PTPRD: variants seen among roughly 807,000 people sequenced by gnomAD.
PTPRD encodes protein tyrosine phosphatase receptor type D, also known as receptor-type tyrosine-protein phosphatase delta.
In PTPRD, 34 loss-of-function variants were observed where a neutral mutation model predicts 214.5. That is an observed-to-expected ratio of 0.16 (90% CI 0.12 to 0.21). The LOEUF (loss-of-function observed/expected upper bound fraction) is 0.21. Ranked by LOEUF, PTPRD falls within the 10% of genes least tolerant of loss-of-function variation. The probability of loss-of-function intolerance (pLI) is 1.00; values close to 1 mark genes in which losing one functional copy is unlikely to be tolerated. For synonymous variants in PTPRD, 1,128 were observed against 845.7 expected, an observed-to-expected ratio of 1.33 and a Z score of -5.79; for missense variants, 2,545 against 2,398.7, an observed-to-expected ratio of 1.06 and a Z score of -1.27.
At chr9:10,447,063 G>C (rs897607347) in intron 2 of PTPRD, among the ~76,000 whole-genome samples, 15 of 152,088 alleles carry the variant, frequency 9.9e-5, no homozygotes, top group Non-Finnish European at 2.1e-4. Context: ...GAGATTTAGT[G>C]GTTCAGAGAG....
At chr9:9,381,029 A>G (rs1270981929) in intron 9 of PTPRD, among the ~76,000 whole-genome samples, 2 of 152,100 alleles carry the variant, frequency 1.3e-5, no homozygotes, top group Non-Finnish European at 2.9e-5. Flanking sequence ...TAGTGTTAGT[A>G]TGGCATATTT....
chr9:9,139,924 T>A (rs1242050769), intron 10 of PTPRD, among the ~76,000 whole-genome samples: 1 of 151,880 alleles, frequency 6.6e-6, no homozygotes, highest in African/African-American at 2.4e-5. Flanking sequence ...ATTTGAAGAG[T>A]CCTAGTACCC....
At chr9:8,379,233 C>T (rs372977619) in intron 37 of PTPRD, among the ~76,000 whole-genome samples, 115 of 152,182 alleles carry the variant, frequency 7.6e-4, no homozygotes, top group African/African-American at 2.5e-3. Context: ...AATATCCTAA[C>T]GTATGTGGAA....
rs562505284 is a variant in PTPRD at position 8,643,551 on chromosome 9, C to T, written c.65-6707G>A. Among the ~76,000 whole-genome samples, 23 of 152,258 alleles carry T rather than the reference C, an allele frequency of 1.5e-4. 1 individual carries two copies. Among genetic ancestry groups the T allele is most frequent in the Non-Finnish European group, 2.5e-4 (17 of 68,004 alleles). On this transcript the variant is annotated intron_variant, in intron 12 of 45. Coordinates refer to ENST00000381196, the MANE Select transcript of PTPRD (RefSeq NM_002839.4). ...GGCTGCAGATGGGCTGCCTCAGGGA[C>T]GCAGGGCATAGGGGAAGCGGGGAAT...
At chr9:10,501,595 C>A (rs984662738) in intron 2 of PTPRD, among the ~76,000 whole-genome samples, 1 of 151,866 alleles carries the variant, frequency 6.6e-6, no homozygotes, top group Non-Finnish European at 1.5e-5. Flanking sequence ...ATTAACAGTA[C>A]TAAAAGTTAC....
In PTPRD at chr9:9,128,378, A is replaced by G. The variant is rs113567806; in HGVS notation, c.-143+54926T>C. ...ATATACATGCACATACTGTCCAAGT[A>G]TTAGTAAACAGATGACTGATGATAA... On this transcript the variant is annotated intron_variant, in intron 10 of 45. Transcript: ENST00000381196. 1.2e-3 allele frequency among the ~76,000 whole-genome samples: 189 copies of G among 152,322 alleles called. 2 individuals are homozygous for G. Among genetic ancestry groups the G allele is most frequent in the African/African-American group, 3.8e-3 (156 of 41,580 alleles).
chr9:9,857,415 A>G (rs2061757911), intron 5 of PTPRD, among the ~76,000 whole-genome samples: 1 of 152,096 alleles, frequency 6.6e-6, no homozygotes, highest in African/African-American at 2.4e-5. Flanking sequence ...TTCCTGAATA[A>G]ATGTGCAGTA....
chr9:9,720,943 T>C (rs935285656), intron 7 of PTPRD, among the ~76,000 whole-genome samples: 1 of 151,918 alleles, frequency 6.6e-6, no homozygotes, highest in African/African-American at 2.4e-5. Context: ...TAAGAACTCA[T>C]GGAAGCAAAG....
At chr9:10,006,612 C>A (rs1336806456) in intron 4 of PTPRD, among the ~76,000 whole-genome samples, 1 of 151,908 alleles carries the variant, frequency 6.6e-6, no homozygotes, top group African/African-American at 2.4e-5. Flanking sequence ...CTTCAAATAA[C>A]TGAGCAGGGT....
intron 12 of PTPRD, among the ~76,000 whole-genome samples, chr9:8,647,711 T>C (rs1329100510): frequency 6.6e-6 from 1 of 152,230 alleles, no homozygotes; most frequent in East Asian, 1.9e-4. Flanking sequence ...CAAATTATAC[T>C]TTTAAAATAA....
intron 12 of PTPRD, among the ~76,000 whole-genome samples, chr9:8,652,836 A>C (rs1253917439): frequency 6.6e-6 from 1 of 152,198 alleles, no homozygotes; most frequent in Non-Finnish European, 1.5e-5. Flanking sequence ...CAGGTCACAC[A>C]CATGAGATTC....
chr9:10,551,214 T>C (rs536850665), intron 2 of PTPRD, among the ~76,000 whole-genome samples: 108 of 152,146 alleles, frequency 7.1e-4, no homozygotes, highest in African/African-American at 2.6e-3. Context: ...TGTCACACAC[T>C]TGTAGTCCCA....
intron 12 of PTPRD, among the ~76,000 whole-genome samples, chr9:8,731,716 C>A (rs554463269): frequency 6.6e-6 from 1 of 152,146 alleles, no homozygotes; most frequent in African/African-American, 2.4e-5. Context: ...AAATGGATGT[C>A]CCTTCTTCTT....
chr9:9,088,458 T>A (rs1185004445), intron 10 of PTPRD, among the ~76,000 whole-genome samples: 1 of 151,264 alleles, frequency 6.6e-6, no homozygotes, highest in African/African-American at 2.4e-5. Context: ...CAGGCACCTA[T>A]AATCCCAGCT....
intron 3 of PTPRD, among the ~76,000 whole-genome samples, chr9:10,177,111 G>A (rs1472551989): frequency 6.6e-6 from 1 of 151,890 alleles, no homozygotes; most frequent in African/African-American, 2.4e-5. Context: ...AAAATAAATG[G>A]AAATGAAAGT....
At chr9:9,314,027 C>T (rs1028045093) in intron 9 of PTPRD, among the ~76,000 whole-genome samples, 2 of 152,076 alleles carry the variant, frequency 1.3e-5, no homozygotes, top group East Asian at 3.9e-4. Context: ...CTGTTTTACT[C>T]TAACAAATAA....
intron 3 of PTPRD, among the ~76,000 whole-genome samples, chr9:10,284,252 A>G (rs557376680): frequency 1.3e-5 from 2 of 152,300 alleles, no homozygotes; most frequent in South Asian, 4.1e-4. Flanking sequence ...ACAAAAAAAT[A>G]AAAATCTCTG....
At chr9:10,086,554 C>A (rs941743678) in intron 3 of PTPRD, among the ~76,000 whole-genome samples, 1 of 151,710 alleles carries the variant, frequency 6.6e-6, no homozygotes, top group African/African-American at 2.4e-5. Flanking sequence ...TAAACTTGGA[C>A]AAATACTTTT....
At chr9:9,175,080 C>A (rs1017973424) in intron 10 of PTPRD, among the ~76,000 whole-genome samples, 3 of 152,122 alleles carry the variant, frequency 2.0e-5, no homozygotes, top group African/African-American at 7.2e-5. Flanking sequence ...TCACCAGACA[C>A]CAAATTTGCC....
Sources: gnomAD v4.1 joint callset for allele counts (sites outside exome capture counted in the v4.1 genomes callset) on GRCh38, gnomAD v4.1.1 for gene constraint, MANE v1.5 for transcripts, NCBI Gene and HGNC (gene_info 2026-07-23, HGNC 2026-07-21) for gene names.